NUDT3: variants seen among roughly 807,000 people sequenced by gnomAD.
The protein encoded by NUDT3 is nudix hydrolase 3.
Under a neutral mutation model 23.6 loss-of-function variants are expected in NUDT3, and 9 were observed. That is an observed-to-expected ratio of 0.38 (90% confidence interval 0.23 to 0.66). The LOEUF is 0.66. Among genes scored for constraint, NUDT3 ranks in the 30% least tolerant of loss-of-function variants. NUDT3 has a pLI of 0.52. For synonymous variants in NUDT3, 86 were observed against 82.6 expected (o/e 1.04, Z -0.22); for missense variants, 172 against 218.5 (o/e 0.79, Z 1.34).
intron 3 of NUDT3, among the ~76,000 whole-genome samples, chr6:34,294,636 G>C (rs1763471741): frequency 6.6e-6 from 1 of 151,564 alleles, no homozygotes; most frequent in East Asian, 2.0e-4. Flanking sequence ...TGAGGCAGGA[G>C]AATCACTTGA....
chr6:34,315,335 AC>A (rs1303540266), intron 2 of NUDT3, among the ~76,000 whole-genome samples: 1 of 152,248 alleles, frequency 6.6e-6, no homozygotes, highest in East Asian at 1.9e-4. Flanking sequence ...AAATACCACT[AC>A]AAAGGTGGTC....
At chr6:34,336,201 G>A (rs551440407) in intron 2 of NUDT3, among the ~76,000 whole-genome samples, 6 of 152,138 alleles carry the variant, frequency 3.9e-5, no homozygotes, top group South Asian at 4.1e-4. Context: ...ACCCAGAGGC[G>A]GAGGTTGCAG....
intron 1 of NUDT3, among the ~76,000 whole-genome samples, chr6:34,367,748 C>G (rs1230662098): frequency 6.6e-6 from 1 of 152,174 alleles, no homozygotes; most frequent in Non-Finnish European, 1.5e-5. Context: ...TGCTTCTAGC[C>G]TTGCATTTGG....
At chr6:34,388,303 T>G (rs1765142345) in intron 1 of NUDT3, among the ~76,000 whole-genome samples, 1 of 152,202 alleles carries the variant, frequency 6.6e-6, no homozygotes, top group African/African-American at 2.4e-5. Flanking sequence ...TCATCTCTTT[T>G]TCTTCACATT....
intron 1 of NUDT3, among the ~76,000 whole-genome samples, chr6:34,391,287 C>A (rs1581908619): frequency 6.6e-6 from 1 of 152,152 alleles, no homozygotes; most frequent in Non-Finnish European, 1.5e-5. Flanking sequence ...ATTTCACTGT[C>A]CTTCATTGTT....
chr6:34,313,349 G>A (rs1763804822), intron 2 of NUDT3, among the ~76,000 whole-genome samples: 1 of 152,150 alleles, frequency 6.6e-6, no homozygotes, highest in Non-Finnish European at 1.5e-5. Context: ...GGAGTTTAGG[G>A]GAGGGAGGGA....
intron 2 of NUDT3, among the ~76,000 whole-genome samples, chr6:34,308,471 A>AC (rs1763718763): frequency 6.6e-6 from 1 of 151,928 alleles, no homozygotes; most frequent in Non-Finnish European, 1.5e-5. Context: ...AAAAAAAAAA[A>AC]AAAAAAATAC....
intron 1 of NUDT3, among the ~76,000 whole-genome samples, chr6:34,357,725 G>T (rs975409110): frequency 6.6e-6 from 1 of 152,104 alleles, no homozygotes; most frequent in African/African-American, 2.4e-5. Context: ...AACCTGCTGA[G>T]ATTTTGATTA....
At position 34,284,055 on chromosome 6, in the gene NUDT3, C is replaced by T. The variant is rs16883475; in HGVS notation, c.*4698G>A. On this transcript the variant is annotated 3_prime_UTR_variant, in exon 5 of 5. Coordinates refer to ENST00000607016, the MANE Select transcript of NUDT3 (RefSeq NM_006703.4). ...GCACAGCTCCATATCCTGGAAGCCT[C>T]TGTAGCCTTGAGGAGATAGGCTCTA... is the stretch of plus-strand genomic sequence containing the variant. 14,528 of 152,162 alleles carry T rather than the reference C, an allele frequency of 0.095. 795 individuals are homozygous for T. Among genetic ancestry groups the T allele is most frequent in the Non-Finnish European group, 0.12 (8,178 of 68,012 alleles). 9.4% of individuals were successfully genotyped at this position (152,162 alleles called of 1,614,324 possible).
At chr6:34,334,639 A>G (rs558024152) in intron 2 of NUDT3, among the ~76,000 whole-genome samples, 2 of 151,648 alleles carry the variant, frequency 1.3e-5, no homozygotes, top group South Asian at 4.2e-4. Flanking sequence ...ATCTCAAAAA[A>G]AGAAAAAAGA....
chr6:34,371,597 A>G (rs1275802792), intron 1 of NUDT3, among the ~76,000 whole-genome samples: 1 of 152,168 alleles, frequency 6.6e-6, no homozygotes, highest in Non-Finnish European at 1.5e-5. Context: ...TTCTGAAACC[A>G]TTAGAGGTAA....
At position 34,350,904 on chromosome 6, in the gene NUDT3, C is replaced by A. The variant is rs1252222894; in HGVS notation, c.100-8932G>T. ...GAACAGATATTCTGACAGTTTTTATCTTGGGAGCAACAAGATTATTTTAAG... is the reference window on the plus strand; with the variant it reads ...GAACAGATATTCTGACAGTTTTTATATTGGGAGCAACAAGATTATTTTAAG... On this transcript the variant is annotated intron_variant, in intron 1 of 4. Coordinates refer to ENST00000607016, the MANE Select transcript of NUDT3 (RefSeq NM_006703.4). Among the ~76,000 whole-genome samples, 8 of 150,512 alleles carry A rather than the reference C, an allele frequency of 5.3e-5. No homozygotes were observed. In the East Asian group the frequency reaches 1.4e-3, roughly 25 times the overall value.
chr6:34,303,197 A>ATTTTTTTTTTTTTTTTTTT (rs55915428), intron 2 of NUDT3, among the ~76,000 whole-genome samples: 1 of 74,506 alleles, frequency 1.3e-5, no homozygotes, highest in African/African-American at 5.0e-5. Flanking sequence ...ATACCTGGCA[A>ATTTTTTTTTTTTTTTTTTT]TTTTTTTTTT....
intron 2 of NUDT3, among the ~76,000 whole-genome samples, chr6:34,334,908 G>A (rs1448341134): frequency 1.4e-5 from 2 of 147,392 alleles, no homozygotes; most frequent in African/African-American, 5.0e-5. Context: ...ACTCTAGCCT[G>A]AGAAGAAAAG....
chr6:34,338,924 G>C (rs1764249561), intron 2 of NUDT3, among the ~76,000 whole-genome samples: 1 of 152,162 alleles, frequency 6.6e-6, no homozygotes, highest in African/African-American at 2.4e-5. Flanking sequence ...GATTTATTAA[G>C]GGATAAAAAT....
At chr6:34,364,423 ATT>A (rs1764695298) in intron 1 of NUDT3, among the ~76,000 whole-genome samples, 1 of 152,050 alleles carries the variant, frequency 6.6e-6, no homozygotes, top group African/African-American at 2.4e-5. Flanking sequence ...CTTCTGTAGA[ATT>A]TTTTTTAATA....
At chr6:34,293,312 T>C (rs1362798614) in intron 4 of NUDT3, 139 bp downstream of exon 4, 13 of 942,754 alleles carry the variant, frequency 1.4e-5, no homozygotes, top group Middle Eastern at 3.4e-4. Flanking sequence ...TCCTCCTGTG[T>C]TGGCCTTCCA....
At chr6:34,323,612 C>CGAAGCGAAGA (rs1184662608) in intron 2 of NUDT3, among the ~76,000 whole-genome samples, 3 of 151,098 alleles carry the variant, frequency 2.0e-5, no homozygotes, top group African/African-American at 7.3e-5. Flanking sequence ...AGAAGCGAAG[C>CGAAGCGAAGA]GAAGCGAAGA....
chr6:34,341,183 A>G (rs937100414), intron 2 of NUDT3, among the ~76,000 whole-genome samples: 6 of 152,188 alleles, frequency 3.9e-5, no homozygotes, highest in African/African-American at 7.2e-5. Context: ...ACAAGAGGCT[A>G]TGGAAAAATA....
Sources: gnomAD v4.1 joint callset for allele counts (sites outside exome capture counted in the v4.1 genomes callset) on GRCh38, gnomAD v4.1.1 for gene constraint, MANE v1.5 for transcripts, NCBI Gene and HGNC (gene_info 2026-07-23, HGNC 2026-07-21) for gene names.